The following MAN2C1 variants were observed in gnomAD, a reference collection of about 807,000 sequenced individuals.
The protein encoded by MAN2C1 is alpha-mannosidase 2C1.
In MAN2C1, 111 loss-of-function variants were observed where a neutral mutation model predicts 126.9. That is an observed-to-expected ratio of 0.87 (90% confidence interval 0.75 to 1.02). The LOEUF (loss-of-function observed/expected upper bound fraction) is 1.02, where lower values mean the gene tolerates loss of function less well. MAN2C1 is among the 50% of genes least tolerant of loss of function. MAN2C1 has a pLI of 0.00. For missense variants in MAN2C1, 1,363 were observed against 1,364.4 expected, an observed-to-expected ratio of 1.00 and a Z score of 0.02; for synonymous variants, 567 against 561.5, an observed-to-expected ratio of 1.01 and a Z score of -0.14.
chr15:75,361,607 G>T lies in MAN2C1; in HGVS notation c.1215C>A (p.Phe405Leu). 6.2e-7 allele frequency: 1 copy of T among 1,612,984 alleles called. No individual in the cohort carries two copies. Among genetic ancestry groups the T allele is most frequent in the Non-Finnish European group, 8.5e-7 (1 of 1,179,122 alleles). Reference protein sequence around the residue: ...QKLSWNLVNSFPHHTFFWEGL... With the variant: ...QKLSWNLVNSLPHHTFFWEGL... Reference sequence around the variant, plus strand: ...GACCCCCCGGGGGCCTGCTTACTGGGAAGGAGTTCACCAAATTCCAGCTCA... The same window carrying T: ...GACCCCCCGGGGGCCTGCTTACTGGTAAGGAGTTCACCAAATTCCAGCTCA... Residue 405 changes from phenylalanine to leucine, a missense_variant, in exon 10 of 26, where the codon TTC (phenylalanine) becomes TTA (leucine). Physicochemically the swap from Phe to Leu is conservative, Grantham distance 22. Around this residue, in one of 3 missense-constraint regions of MAN2C1, gnomAD observed 628 missense variants for 609.8 expected, o/e 1.03. Transcript: ENST00000267978. This position sits in a 1 kb window ranked among gnomAD's most constrained non-coding sequence, Gnocchi z 5.0.
At chr15:75,365,109 A>G (rs1567285786) in intron 4 of MAN2C1, among the ~76,000 whole-genome samples, 1 of 152,172 alleles carries the variant, frequency 6.6e-6, no homozygotes, top group Non-Finnish European at 1.5e-5. Flanking sequence ...CTTAGGCTTC[A>G]GAGAGCAAAC....
In MAN2C1 at chr15:75,356,642, G is replaced by A. The variant is rs185465747; in HGVS notation, c.2701C>T (p.Arg901Cys). 3.9e-5 allele frequency: 62 copies of A among 1,572,466 alleles called. No homozygotes were observed. In the Admixed American group the frequency reaches 6.0e-4, roughly 15 times the overall value. ...ATCAGTGCATAGGTGAACTCGTGGC[G>A]CCCCGTGTCAGCAGTAGCGTCCGGG... ...KAPDATADTG[R>C]HEFTYALMPH... is the part of the protein sequence containing the mutation. Residue 901 changes from arginine (R) to cysteine (C), a missense_variant, in exon 23 of 26, where the codon CGC becomes TGC. This residue lies in a region of MAN2C1 where 668 missense variants were observed against 650.1 expected (regional missense o/e 1.03). Coordinates refer to ENST00000267978, the MANE Select transcript of MAN2C1 (RefSeq NM_006715.4). The surrounding 1 kb of genome is among the most constrained non-coding windows in gnomAD (Gnocchi z 5.8).
Position 75,355,887 on chromosome 15 carries a change from A to C in MAN2C1, c.*19T>G, listed in dbSNP as rs1489130230. On this transcript the variant is annotated 3_prime_UTR_variant, in exon 26 of 26. Transcript: ENST00000267978. ...GAGTCCCCAGAGCCTTCTACAAACA[A>C]AACCCCAGCCCCAGGGACTCAGTGT... 2 of 1,612,582 alleles carry C rather than the reference A, an allele frequency of 1.2e-6. No individual in the cohort carries two copies. Among genetic ancestry groups the C allele is most frequent in the Non-Finnish European group, 8.5e-7 (1 of 1,179,480 alleles).
Position 75,355,968 on chromosome 15 carries a change from G to C in MAN2C1, c.3061C>G (p.Leu1021Val). 6.2e-7 allele frequency: 1 copy of C among 1,614,174 alleles called. No homozygotes were observed. Among genetic ancestry groups the C allele is most frequent in the Non-Finnish European group, 8.5e-7 (1 of 1,180,010 alleles). Residue 1021 changes from leucine to valine, a missense_variant, in exon 26 of 26, where the codon CTC (leucine) becomes GTC (valine). Coordinates refer to ENST00000267978, the MANE Select transcript of MAN2C1 (RefSeq NM_006715.4). Reference sequence around the variant, plus strand: ...AGCACTTGGAAGGGAGAAAAGGTGAGCTTCAGGCGGTTGTCCCGAAGGGTC... The same window carrying C: ...AGCACTTGGAAGGGAGAAAAGGTGACCTTCAGGCGGTTGTCCCGAAGGGTC... ...HLTLRDNRLK[L>V]TFSPFQVLSL...
Position 75,368,563 on chromosome 15 carries a change from C to T in MAN2C1, c.21G>A (p.Leu7=). 3 of 1,548,716 alleles carry T rather than the reference C, an allele frequency of 1.9e-6. No homozygotes were observed. The highest frequency in any genetic ancestry group is 2.6e-6 in the Non-Finnish European group (3 of 1,147,366). The part of the protein sequence containing the change: MAAAPA[L]KHWRTTLERV... Reference sequence around the variant, plus strand: ...GCTCCAGCGTGGTGCGCCAGTGCTTCAAGGCCGGCGCAGCCGCCATCGCCG... The same window carrying T: ...GCTCCAGCGTGGTGCGCCAGTGCTTTAAGGCCGGCGCAGCCGCCATCGCCG... Residue 7 remains leucine, a synonymous_variant, in exon 1 of 26, where the codon TTG becomes TTA. Transcript: ENST00000267978.
chr15:75,360,246 G>C (rs2072439783), intron 13 of MAN2C1, 35 bp from the exon 14 acceptor site: 1 of 1,600,862 alleles, frequency 6.2e-7, no homozygotes. Context: ...TCTGGAGCCT[G>C]CTTAGCTGTC....
At position 75,356,038 on chromosome 15, in the gene MAN2C1, G is replaced by A; in HGVS notation, c.2997-6C>T. The A allele has an allele frequency of 6.2e-7, 1 of 1,613,926 alleles. No homozygotes were observed. The highest frequency in any genetic ancestry group is 8.5e-7 in the Non-Finnish European group (1 of 1,179,916). ...GTCGCTCCAAGAGATCGCAGCTGGA[G>A]AACAGGAGGGGCCATGAAGGCTCTG... On this transcript the variant is annotated splice_polypyrimidine_tract_variant and splice_region_variant and intron_variant, in intron 25 of 25. Transcript: ENST00000267978. The surrounding 1 kb of genome is among the most constrained non-coding windows in gnomAD (Gnocchi z 5.8).
At chr15:75,366,412 T>C in intron 4 of MAN2C1, 110 bp downstream of exon 4, 1 of 830,818 alleles carries the variant, frequency 1.2e-6, no homozygotes, top group Non-Finnish European at 1.9e-6. Context: ...GTGAGGATGA[T>C]TGTGCTAGAG....
In MAN2C1 at chr15:75,359,717, C is replaced by A. The variant is rs2072427167; in HGVS notation, c.1851G>T (p.Gly617=). The A allele has an allele frequency of 1.9e-6, 3 of 1,614,032 alleles. No individual in the cohort carries two copies. The highest frequency in any genetic ancestry group is 2.5e-6 in the Non-Finnish European group (3 of 1,180,046). The part of the protein sequence containing the change: ...LSAAAAALCA[G]EPGPEGLLIV... ...TGAGGAGGCCCTCAGGACCTGGCTCCCCAGCACACAGGGCTGCGGCTGCAG... is the reference window on the plus strand; with the variant it reads ...TGAGGAGGCCCTCAGGACCTGGCTCACCAGCACACAGGGCTGCGGCTGCAG... Residue 617 remains glycine (G), a synonymous_variant, in exon 16 of 26, where the codon GGG becomes GGT. Coordinates refer to ENST00000267978, the MANE Select transcript of MAN2C1 (RefSeq NM_006715.4).
Position 75,368,489 on chromosome 15 carries a change from C to T in MAN2C1, c.95G>A (p.Arg32His), listed in dbSNP as rs1303581700. Residue 32 changes from arginine (R) to histidine (H), a missense_variant, in exon 1 of 26, where the codon CGC becomes CAC. By Grantham distance (29) the Arg-to-His change is conservative. This residue lies in a region of MAN2C1 where 628 missense variants were observed against 609.8 expected (regional missense o/e 1.03). Transcript: ENST00000267978. ...SPLYFTDCNL[R>H]GRLFGASCPV... Reference sequence around the variant, plus strand: ...GGGGGACCAGGGGCCACACCTGCCGCGGAGGTTACAGTCGGTAAAGTAGAG... The same window carrying T: ...GGGGGACCAGGGGCCACACCTGCCGTGGAGGTTACAGTCGGTAAAGTAGAG... 6.4e-7 allele frequency: 1 copy of T among 1,551,774 alleles called. No individual in the cohort carries two copies. Among genetic ancestry groups the T allele is most frequent in the Middle Eastern group, 1.7e-4 (1 of 5,964 alleles).
chr15:75,360,924 G>C, intron 12 of MAN2C1, 122 bp downstream of exon 12: 1 of 1,331,860 alleles, frequency 7.5e-7, no homozygotes, highest in Non-Finnish European at 1.0e-6. Context: ...GGAGGAACCC[G>C]TGGTCTAGGA....
In MAN2C1 at chr15:75,368,533, C is replaced by T. The variant is rs989518910; in HGVS notation, c.51G>A (p.Val17=). The T allele has an allele frequency of 2.6e-6, 4 of 1,555,096 alleles. No individual in the cohort carries two copies. The African/African-American group carries it at 4.1e-5, about 16-fold the overall frequency. Residue 17 remains valine (V), a synonymous_variant, in exon 1 of 26, where the codon GTG becomes GTA. Coordinates refer to ENST00000267978, the MANE Select transcript of MAN2C1 (RefSeq NM_006715.4). The part of the protein sequence containing the change: ...LKHWRTTLER[V]EKFVSPLYFT... ...AGTAGAGCGGCGACACGAACTTCTCCACCCGCTCCAGCGTGGTGCGCCAGT... is the reference window on the plus strand; with the variant it reads ...AGTAGAGCGGCGACACGAACTTCTCTACCCGCTCCAGCGTGGTGCGCCAGT...
intron 3 of MAN2C1, 25 bp downstream of exon 3, chr15:75,367,486 C>G (rs1249704950): frequency 6.2e-7 from 1 of 1,612,006 alleles, no homozygotes; most frequent in Admixed American, 1.7e-5. Context: ...GTGGCCATAC[C>G]TGGCCCTAGG....
chr15:75,368,091 C>G lies in MAN2C1; in HGVS notation c.209G>C (p.Gly70Ala). 1 of 1,607,662 alleles carries G rather than the reference C, an allele frequency of 6.2e-7. No homozygotes were observed. Among genetic ancestry groups the G allele is most frequent in the Non-Finnish European group, 8.5e-7 (1 of 1,177,962 alleles). ...VQRDFRPAQV[G>A]DSFGPTWWTC... ...TACCTACGTGGGTCCGAAGCTGTCG[C>G]CGACCTGCGCGGGGCGGAAGTCCCG... is the stretch of plus-strand genomic sequence containing the variant. Residue 70 changes from glycine (G) to alanine (A), a missense_variant, in exon 2 of 26, where the codon GGC becomes GCC. By Grantham distance (60) the Gly-to-Ala change is moderately conservative. Around this residue, in one of 3 missense-constraint regions of MAN2C1, gnomAD observed 628 missense variants for 609.8 expected, o/e 1.03. Coordinates refer to ENST00000267978, the MANE Select transcript of MAN2C1 (RefSeq NM_006715.4).
rs1435570659 is a variant in MAN2C1 at position 75,368,204 on chromosome 15, T to TGGGAC, written c.102-11_102-7dup. The TGGGAC allele has an allele frequency of 3.1e-6, 5 of 1,600,340 alleles. No individual in the cohort carries two copies. In the South Asian group the frequency reaches 5.6e-5, roughly 18 times the overall value. On this transcript the variant is annotated splice_region_variant and splice_polypyrimidine_tract_variant and intron_variant, in intron 1 of 25. Transcript: ENST00000267978. ...GGCAGCTGGCCCCAAAAAGCCTGCG[T>TGGGAC]GGGACGGGCCGGTGGGCACATGCTG...
chr15:75,367,188 G>A (rs555878410), intron 3 of MAN2C1, among the ~76,000 whole-genome samples: 7 of 152,092 alleles, frequency 4.6e-5, no homozygotes, highest in Non-Finnish European at 8.8e-5. Flanking sequence ...GGAGTATAAG[G>A]ACTAAACCTG....
In MAN2C1 at chr15:75,362,450, G is replaced by C; in HGVS notation, c.901C>G (p.Gln301Glu). The C allele has an allele frequency of 1.2e-6, 2 of 1,606,718 alleles. No homozygotes were observed. Among genetic ancestry groups the C allele is most frequent in the Non-Finnish European group, 1.7e-6 (2 of 1,176,974 alleles). Residue 301 changes from glutamine (Q) to glutamate (E), a missense_variant, in exon 8 of 26, where the codon CAG becomes GAG. By Grantham distance (29) the Gln-to-Glu change is conservative. This residue lies in a region of MAN2C1 where 628 missense variants were observed against 609.8 expected (regional missense o/e 1.03). Coordinates refer to ENST00000267978, the MANE Select transcript of MAN2C1 (RefSeq NM_006715.4). The surrounding 1 kb of genome is among the most constrained non-coding windows in gnomAD (Gnocchi z 4.5). ...CGGCTCTTCACCCATTCCAGCTGCT[G>C]CGCCTGTGGGCAGGTTGAAGGGAGC... is the stretch of plus-strand genomic sequence containing the variant. ...PEFIFACSQA[Q>E]QLEWVKSRYP...
At position 75,359,918 on chromosome 15, in the gene MAN2C1, T is replaced by A; in HGVS notation, c.1777A>T (p.Met593Leu). 1 of 1,612,816 alleles carries A rather than the reference T, an allele frequency of 6.2e-7. No homozygotes were observed. Among genetic ancestry groups the A allele is most frequent in the South Asian group, 1.1e-5 (1 of 90,894 alleles). Residue 593 changes from methionine to leucine, a missense_variant, in exon 15 of 26, where the codon ATG becomes TTG. By Grantham distance (15) the Met-to-Leu change is conservative. Transcript: ENST00000267978. ...SCIQMVAEEA[M>L]CHYEDIRSHG... is the part of the protein sequence containing the mutation. ...TGAGCCTAACCTTCATAATGGCACA[T>A]GGCTTCCTCTGCCACCATCTGGATG...
chr15:75,359,378 TG>T lies in MAN2C1; in HGVS notation c.1995del (p.Thr666ProfsTer14). 3.1e-6 allele frequency: 5 copies of T among 1,606,048 alleles called. No individual in the cohort carries two copies. Among genetic ancestry groups the T allele is most frequent in the Non-Finnish European group, 3.4e-6 (4 of 1,176,898 alleles). On this transcript the variant is annotated frameshift_variant, in exon 17 of 26. Transcript: ENST00000267978. LOFTEE classifies it high-confidence loss of function. The stretch of plus-strand genomic sequence containing the variant: ...TGGGGCAGCAGGGGCTGCAGTGAGG[TG>T]GGGGGAGGAACAGGAGCATAGCCCA... ...PSMGYAPVPP[P>X]TSLQPLLPQQ...
Sources: gnomAD v4.1 joint callset for allele counts (sites outside exome capture counted in the v4.1 genomes callset) on GRCh38, gnomAD v4.1.1 for gene constraint, gnomAD v4.1.1 regional missense constraint, Gnocchi (gnomAD v3.1) non-coding constraint, MANE v1.5 for transcripts, NCBI Gene and HGNC (gene_info 2026-07-23, HGNC 2026-07-21) for gene names.